COG5: variants seen among roughly 807,000 people sequenced by gnomAD.
The protein encoded by COG5 is conserved oligomeric Golgi complex subunit 5.
A neutral mutation model predicts 110.4 loss-of-function variants in COG5; 86 were observed. The observed-to-expected ratio is 0.78, with a 90% confidence interval of 0.65 to 0.93. COG5 has a LOEUF of 0.93. COG5 is among the 40% of genes least tolerant of loss of function. The pLI is 0.00. For synonymous variants in COG5, 360 were observed against 334.6 expected, an observed-to-expected ratio of 1.08 and a Z score of -0.83; for missense variants, 1,077 against 987.0, an observed-to-expected ratio of 1.09 and a Z score of -1.22.
At chr7:107,208,402 A>G in intron 21 of COG5, 4 of 985,466 alleles carry the variant, frequency 4.1e-6, no homozygotes, top group Non-Finnish European at 4.8e-6. Context: ...ACAGCAGGAC[A>G]ACTGTTTTGG....
intron 6 of COG5, among the ~76,000 whole-genome samples, chr7:107,461,453 G>A (rs1051936597): frequency 3.5e-4 from 53 of 151,960 alleles, no homozygotes; most frequent in African/African-American, 1.2e-3. Context: ...CATAAAAACC[G>A]TATACCTAGC....
chr7:107,524,790 C>A (rs1043319995), intron 6 of COG5, among the ~76,000 whole-genome samples: 1 of 152,156 alleles, frequency 6.6e-6, no homozygotes, highest in African/African-American at 2.4e-5. Context: ...TGAACTATAT[C>A]TTCTCAAAAA....
At chr7:107,220,026 CA>C (rs2116294305) in intron 19 of COG5, among the ~76,000 whole-genome samples, 1 of 152,244 alleles carries the variant, frequency 6.6e-6, no homozygotes, top group South Asian at 2.1e-4. Flanking sequence ...GATGGGTAAA[CA>C]GAGGCATAGA....
At chr7:107,327,084 C>T (rs530955271) in intron 10 of COG5, among the ~76,000 whole-genome samples, 4 of 152,024 alleles carry the variant, frequency 2.6e-5, no homozygotes, top group South Asian at 4.1e-4. Flanking sequence ...CAGTATGGTA[C>T]CAGCATAAAG....
At chr7:107,215,190 A>G (rs191640274) in intron 19 of COG5, among the ~76,000 whole-genome samples, 96 of 152,292 alleles carry the variant, frequency 6.3e-4, no homozygotes, top group African/African-American at 2.2e-3. Context: ...AAAGCATACC[A>G]CTACAGAAAA....
intron 7 of COG5, among the ~76,000 whole-genome samples, chr7:107,383,666 T>C (rs1815321407): frequency 6.6e-6 from 1 of 152,172 alleles, no homozygotes; most frequent in Non-Finnish European, 1.5e-5. Flanking sequence ...CCCAGGTATC[T>C]GGTAGGAAGA....
At chr7:107,508,838 T>C in intron 6 of COG5, among the ~76,000 whole-genome samples, 1 of 152,192 alleles carries the variant, frequency 6.6e-6, no homozygotes, top group Non-Finnish European at 1.5e-5. Context: ...CAGAGGGTCC[T>C]GTCTGTTAAA....
chr7:107,284,048 C>T (rs1414715613), intron 12 of COG5, among the ~76,000 whole-genome samples: 1 of 151,968 alleles, frequency 6.6e-6, no homozygotes, highest in African/African-American at 2.4e-5. Context: ...CCTCAGCCTC[C>T]CAAGTAGCTG....
chr7:107,394,674 A>G (rs1790861689), intron 7 of COG5, among the ~76,000 whole-genome samples: 1 of 152,240 alleles, frequency 6.6e-6, no homozygotes, highest in Non-Finnish European at 1.5e-5. Flanking sequence ...ATACAGCATT[A>G]AATCAAGTGT....
At chr7:107,249,223 G>A (rs1802294171) in intron 16 of COG5, among the ~76,000 whole-genome samples, 1 of 152,046 alleles carries the variant, frequency 6.6e-6, no homozygotes, top group Non-Finnish European at 1.5e-5. Flanking sequence ...TGTTCCCCAG[G>A]AAACATTTGG....
intron 12 of COG5, among the ~76,000 whole-genome samples, chr7:107,296,106 C>T (rs1806717083): frequency 6.6e-6 from 1 of 151,870 alleles, no homozygotes; most frequent in Admixed American, 6.6e-5. Flanking sequence ...CCCTTCCTTC[C>T]TCACACAGTG....
chr7:107,452,725 C>T (rs567750998), intron 6 of COG5, among the ~76,000 whole-genome samples: 5 of 152,282 alleles, frequency 3.3e-5, no homozygotes, highest in African/African-American at 1.2e-4. Flanking sequence ...TTCCCAGTCT[C>T]GGGTATGTCT....
rs552299240 is a variant in COG5 at position 107,241,373 on chromosome 7, C to A, written c.1854-4686G>T. Among the ~76,000 whole-genome samples, 3 of 149,808 alleles carry A rather than the reference C, an allele frequency of 2.0e-5. No homozygotes were observed. In the East Asian group the frequency reaches 5.8e-4, roughly 29 times the overall value. ...ATATAGTTTTTTTTTCGGTAGAATTCACTTTACCCTTCTGTGCTTCATATA... is the reference window on the plus strand; with the variant it reads ...ATATAGTTTTTTTTTCGGTAGAATTAACTTTACCCTTCTGTGCTTCATATA... On this transcript the variant is annotated intron_variant, in intron 17 of 21. Transcript: ENST00000297135.
chr7:107,556,790 G>A (rs1803357545), intron 2 of COG5, among the ~76,000 whole-genome samples: 2 of 148,582 alleles, frequency 1.3e-5, no homozygotes, highest in Middle Eastern at 3.5e-3. Flanking sequence ...TTTTTTTTGA[G>A]ACGGAGTCTT....
rs778308718 is a variant in COG5 at position 107,211,184 on chromosome 7, G to C, written c.2210C>G (p.Pro737Arg). 2 of 1,614,028 alleles carry C rather than the reference G, an allele frequency of 1.2e-6. No homozygotes were observed. Among genetic ancestry groups the C allele is most frequent in the Non-Finnish European group, 1.7e-6 (2 of 1,179,938 alleles). Reference protein sequence around the residue: ...FQASEHVASSPALGDVIPFSI... With the variant: ...FQASEHVASSRALGDVIPFSI... ...GAACGGAATCACATCCCCCAATGCAGGACTACTGGCTACATGTTCACTTGC... is the reference window on the plus strand; with the variant it reads ...GAACGGAATCACATCCCCCAATGCACGACTACTGGCTACATGTTCACTTGC... Residue 737 changes from proline to arginine, a missense_variant, in exon 20 of 22, where the codon CCT (proline) becomes CGT (arginine). Physicochemically the swap from Pro to Arg is moderately radical, Grantham distance 103 (BLOSUM62 -2). Coordinates refer to ENST00000297135, the MANE Select transcript of COG5 (RefSeq NM_006348.5).
At chr7:107,477,077 G>A (rs545693348) in intron 6 of COG5, among the ~76,000 whole-genome samples, 1 of 151,746 alleles carries the variant, frequency 6.6e-6, no homozygotes, top group Non-Finnish European at 1.5e-5. Flanking sequence ...TGTAGCATAA[G>A]CAAGTAAGAT....
At chr7:107,340,969 A>G (rs1411907567) in intron 10 of COG5, among the ~76,000 whole-genome samples, 1 of 152,194 alleles carries the variant, frequency 6.6e-6, no homozygotes, top group East Asian at 1.9e-4. Flanking sequence ...GAACAGGAAC[A>G]AGACAAGGAT....
At position 107,474,927 on chromosome 7, in the gene COG5, T is replaced by C. The variant is rs779853997; in HGVS notation, c.538+52310A>G. The C allele has an allele frequency of 6.2e-7, 1 of 1,613,026 alleles. No individual in the cohort carries two copies. The highest frequency in any genetic ancestry group is 1.1e-5 in the South Asian group (1 of 90,952). ...TCTTTGGTGTAAGAACTTCAGTTTC[T>C]GTAATAATTGCCCTCCGGCGAGCTG... On this transcript the variant is annotated intron_variant, in intron 6 of 21. Coordinates refer to ENST00000297135, the MANE Select transcript of COG5 (RefSeq NM_006348.5). This position sits in a 1 kb window ranked among gnomAD's most constrained non-coding sequence, Gnocchi z 5.7.
Position 107,203,283 on chromosome 7 carries a change from G to A in COG5, c.*233C>T, listed in dbSNP as rs1439815582. The A allele has an allele frequency of 7.3e-6, 4 of 549,192 alleles. No homozygotes were observed. Among genetic ancestry groups the A allele is most frequent in the Non-Finnish European group, 9.8e-6 (3 of 307,188 alleles). The allele number at this position is 549,192 out of a possible 1,614,324, so 34.0% of individuals were successfully genotyped here. ...TAGCCTTGTACAAAAATCTGAAAGA[G>A]GAAAACATCTTTCTGGAAAAATCAG... On this transcript the variant is annotated 3_prime_UTR_variant, in exon 22 of 22. Coordinates refer to ENST00000297135, the MANE Select transcript of COG5 (RefSeq NM_006348.5).
Sources: allele counts gnomAD v4.1 joint callset (sites outside exome capture counted in the v4.1 genomes callset), GRCh38; gene constraint gnomAD v4.1.1; non-coding constraint Gnocchi (gnomAD v3.1); transcripts MANE v1.5; gene names NCBI Gene and HGNC (gene_info 2026-07-23, HGNC 2026-07-21).